Variants in ME3 observed in about 807,000 individuals in gnomAD.
The protein encoded by ME3 is NADP-dependent malic enzyme, mitochondrial.
ME3 carries 48 observed loss-of-function variants against 68.9 expected under a neutral mutation model. The ratio of observed to expected loss-of-function variants is 0.70; its 90% CI spans 0.55 to 0.89. The LOEUF is 0.89. Among genes scored for constraint, ME3 ranks in the 40% least tolerant of loss-of-function variants. The pLI, the probability that ME3 is intolerant of heterozygous loss-of-function variation, is 0.00. For synonymous variants in ME3, 320 were observed against 318.8 expected (o/e 1.00, Z -0.04); for missense variants, 675 against 797.4 (o/e 0.85, Z 1.85).
intron 2 of ME3, among the ~76,000 whole-genome samples, chr11:86,587,199 C>T (rs141941377): frequency 1.7e-3 from 258 of 152,280 alleles, no homozygotes; most frequent in African/African-American, 5.4e-3. Context: ...CACAAAGATG[C>T]GGAGGCCCAG....
intron 2 of ME3, among the ~76,000 whole-genome samples, chr11:86,575,513 A>G (rs1958049262): frequency 6.8e-6 from 1 of 147,450 alleles, no homozygotes; most frequent in East Asian, 1.9e-4. Context: ...AATGATAGGA[A>G]TAACTAATGT....
Position 86,475,874 on chromosome 11 carries a change from T to TATATAGAGAGAGAGAG in ME3, c.810-10675_810-10674insCTCTCTCTCTCTATAT. 1.8e-3 allele frequency among the ~76,000 whole-genome samples: 163 copies of TATATAGAGAGAGAGAG among 91,448 alleles called. 2 individuals carry two copies. Among genetic ancestry groups the TATATAGAGAGAGAGAG allele is most frequent in the Non-Finnish European group, 2.4e-3 (116 of 48,452 alleles). The allele number at this position is 91,448 out of a possible 152,430, so 60.0% of individuals were successfully genotyped here. ...CAGTATATATATATATATATATATA[T>TATATAGAGAGAGAGAG]AGAGAGAGAGAGAGAGAGAGAGAGA... On this transcript the variant is annotated intron_variant, in intron 7 of 14. Coordinates refer to ENST00000543262, the Ensembl canonical transcript of ME3.
At chr11:86,581,595 C>T (rs1248665698) in intron 2 of ME3, among the ~76,000 whole-genome samples, 6 of 152,206 alleles carry the variant, frequency 3.9e-5, no homozygotes, top group African/African-American at 1.4e-4. Context: ...AAGAGCAATG[C>T]TTTGCATTAT....
At chr11:86,464,261 T>A in intron 8 of ME3, 1 of 335,232 alleles carries the variant, frequency 3.0e-6, no homozygotes, top group Non-Finnish European at 5.8e-6. Context: ...TGTTAAAGCA[T>A]CATCAAGGTT....
At chr11:86,556,740 A>G (rs1286927933) in intron 3 of ME3, 38 bp from the exon 4 acceptor site, 1 of 1,605,316 alleles carries the variant, frequency 6.2e-7, no homozygotes, top group Non-Finnish European at 8.5e-7. Context: ...GACATGTGGT[A>G]GCAGCAGGCC....
intron 13 of ME3, among the ~76,000 whole-genome samples, chr11:86,444,269 A>G (rs946796436): frequency 1.6e-4 from 24 of 152,122 alleles, no homozygotes; most frequent in African/African-American, 5.8e-4. Flanking sequence ...CATGGACAAG[A>G]GATTGAAAAC....
chr11:86,486,022 A>G (rs910363367), intron 7 of ME3, among the ~76,000 whole-genome samples: 1 of 151,934 alleles, frequency 6.6e-6, no homozygotes, highest in Non-Finnish European at 1.5e-5. Context: ...AAACCTCCCC[A>G]TCCTCACTCT....
At chr11:86,485,733 C>T (rs1368034667) in intron 7 of ME3, among the ~76,000 whole-genome samples, 1 of 152,154 alleles carries the variant, frequency 6.6e-6, no homozygotes, top group African/African-American at 2.4e-5. Context: ...ATAATCATTC[C>T]CTTGAATAGA....
intron 8 of ME3, among the ~76,000 whole-genome samples, chr11:86,457,184 G>A (rs774781309): frequency 1.3e-5 from 2 of 152,140 alleles, no homozygotes; most frequent in Admixed American, 6.6e-5. Flanking sequence ...ATTCTCATCA[G>A]CATACAAATA....
At chr11:86,580,247 A>G (rs988315276) in intron 2 of ME3, among the ~76,000 whole-genome samples, 1 of 152,180 alleles carries the variant, frequency 6.6e-6, no homozygotes, top group Non-Finnish European at 1.5e-5. Context: ...AGCGATGTTG[A>G]TGTTCACAGA....
intron 2 of ME3, among the ~76,000 whole-genome samples, chr11:86,584,365 T>C (rs888722414): frequency 6.6e-6 from 1 of 152,172 alleles, no homozygotes; most frequent in Non-Finnish European, 1.5e-5. Flanking sequence ...ACACTGCTGA[T>C]GGGAGTGTAA....
rs537541071 is a variant in ME3 at position 86,597,772 on chromosome 11, AAAGTGGT to A, written c.184-37956_184-37950del. Among the ~76,000 whole-genome samples the A allele has an allele frequency of 9.5e-4, 144 of 152,260 alleles. 2 individuals are homozygous for A. The highest frequency in any genetic ancestry group is 3.4e-3 in the African/African-American group (142 of 41,568). On this transcript the variant is annotated intron_variant, in intron 2 of 14. Coordinates refer to ENST00000543262, the Ensembl canonical transcript of ME3. ...CAGGAGATCCTCACAACATGTGACC[AAAGTGGT>A]TGGGGTACAGCTTGGTTTTATACAT...
chr11:86,560,748 G>GTGTATGTGTATATATA (rs1243025217), intron 2 of ME3, among the ~76,000 whole-genome samples: 18 of 62,520 alleles, frequency 2.9e-4, no homozygotes, highest in Admixed American at 1.0e-3. Flanking sequence ...GTGTGTGTGT[G>GTGTATGTGTATATATA]TATATATATA....
chr11:86,595,518 A>C (rs1178997863), intron 2 of ME3, among the ~76,000 whole-genome samples: 1 of 152,142 alleles, frequency 6.6e-6, no homozygotes, highest in Non-Finnish European at 1.5e-5. Flanking sequence ...CTTAAACACT[A>C]TCCTATAAGA....
At chr11:86,570,736 A>G (rs763038573) in intron 2 of ME3, among the ~76,000 whole-genome samples, 1 of 152,218 alleles carries the variant, frequency 6.6e-6, no homozygotes, top group Non-Finnish European at 1.5e-5. Flanking sequence ...CTCTGGTGCC[A>G]TGGGCTGCAC....
chr11:86,487,824 A>G (rs1404210533), intron 6 of ME3, among the ~76,000 whole-genome samples: 1 of 152,176 alleles, frequency 6.6e-6, no homozygotes, highest in Non-Finnish European at 1.5e-5. Context: ...TAGGATATTT[A>G]TCAGCATCTC....
intron 4 of ME3, among the ~76,000 whole-genome samples, chr11:86,530,607 G>A (rs1051998616): frequency 6.6e-6 from 1 of 152,120 alleles, no homozygotes; most frequent in Non-Finnish European, 1.5e-5. Context: ...TATACTACAA[G>A]GCTACAGTAA....
At chr11:86,626,234 G>A (rs1380514855) in intron 2 of ME3, among the ~76,000 whole-genome samples, 3 of 152,160 alleles carry the variant, frequency 2.0e-5, no homozygotes, top group Non-Finnish European at 1.5e-5. Flanking sequence ...TGCCAAGAGA[G>A]TACAATAGTG....
intron 8 of ME3, among the ~76,000 whole-genome samples, chr11:86,455,517 C>G (rs1024218997): frequency 1.3e-5 from 2 of 152,196 alleles, no homozygotes; most frequent in Non-Finnish European, 2.9e-5. Context: ...AGTTTATGTA[C>G]AGAAAAGTAT....
Sources: gnomAD v4.1 joint callset for allele counts (sites outside exome capture counted in the v4.1 genomes callset) on GRCh38, gnomAD v4.1.1 for gene constraint, MANE v1.5 for transcripts, NCBI Gene and HGNC (gene_info 2026-07-23, HGNC 2026-07-21) for gene names.